The following STIL variants were observed in gnomAD, a reference collection of about 807,000 sequenced individuals.
STIL encodes SCL-interrupting locus protein.
Under a neutral mutation model 110.1 loss-of-function variants are expected in STIL, and 55 were observed. The observed-to-expected ratio is 0.50, with a 90% CI of 0.40 to 0.63. STIL has a LOEUF of 0.63. Ranked by LOEUF, STIL falls within the 20% of genes least tolerant of loss-of-function variation. The probability of loss-of-function intolerance (pLI) is 0.00; values close to 1 mark genes in which losing one functional copy is unlikely to be tolerated. For missense variants in STIL, 1,358 were observed against 1,530.0 expected, an observed-to-expected ratio of 0.89 and a Z score of 1.87; for synonymous variants, 481 against 530.0, an observed-to-expected ratio of 0.91 and a Z score of 1.27.
At chr1:47,293,342 G>A in intron 8 of STIL, 116 bp downstream of exon 8, 1 of 801,330 alleles carries the variant, frequency 1.2e-6, no homozygotes, top group African/African-American at 1.7e-5. Context: ...TAATGTACGT[G>A]TTTATTTATA....
intron 5 of STIL, among the ~76,000 whole-genome samples, chr1:47,300,800 G>A (rs771041066): frequency 6.6e-6 from 1 of 152,140 alleles, no homozygotes; most frequent in East Asian, 1.9e-4. Flanking sequence ...AGAATCTAAA[G>A]TCCATTCCTC....
At chr1:47,307,492 T>C (rs947348003) in intron 2 of STIL, among the ~76,000 whole-genome samples, 1 of 152,182 alleles carries the variant, frequency 6.6e-6, no homozygotes. Flanking sequence ...CATGGACACT[T>C]ATCACTTCCC....
intron 8 of STIL, among the ~76,000 whole-genome samples, chr1:47,291,744 T>C (rs538764612): frequency 5.1e-4 from 78 of 152,270 alleles, no homozygotes; most frequent in African/African-American, 1.8e-3. Flanking sequence ...TTTTGCATTT[T>C]TAGTAGAGAT....
intron 12 of STIL, among the ~76,000 whole-genome samples, chr1:47,276,812 T>TAA (rs36154290): frequency 4.1e-4 from 28 of 67,644 alleles, no homozygotes; most frequent in East Asian, 3.1e-3. Context: ...AAACTCTGCC[T>TAA]AAAAAAAAAA....
In STIL at chr1:47,262,939, T is replaced by C. The variant is rs1282514737; in HGVS notation, c.2793A>G (p.Gln931=). The C allele has an allele frequency of 6.8e-6, 11 of 1,614,060 alleles. No individual in the cohort carries two copies. Among genetic ancestry groups the C allele is most frequent in the Middle Eastern group, 1.6e-4 (1 of 6,084 alleles). The change falls in exon 15 of 17, where the codon CAA becomes CAG. Residue 931 remains glutamine (Q), a synonymous_variant. Transcript: ENST00000371877. The part of the protein sequence containing the change: ...IEHVMQPLLH[Q]PSDNQKIYQD... ...GGTAAATTTTCTGGTTATCTGATGG[T>C]TGATGAAGCAAGGGTTGCATTACAT... is the stretch of plus-strand genomic sequence containing the variant.
intron 14 of STIL, among the ~76,000 whole-genome samples, chr1:47,265,538 T>C (rs1194472202): frequency 2.6e-5 from 4 of 151,798 alleles, no homozygotes; most frequent in Admixed American, 1.3e-4. Context: ...CCCAGCACTT[T>C]GGGAGGCTGA....
rs752856482 is a variant in STIL, at chr1:47,251,173, T to C, written c.3830A>G (p.Asp1277Gly). Residue 1277 changes from aspartate to glycine, a missense_variant, in exon 17 of 17, where the codon GAT becomes GGT. Coordinates refer to ENST00000371877, the MANE Select transcript of STIL (RefSeq NM_001048166.1). ...NSMNSVGTFL[D>G]VKRLRQLPKL... ...TGGTAACTGTCTGAGACGTTTTACA[T>C]CTAAGAAGGTGCCTACTGAATTCAT... 1.2e-5 allele frequency: 20 copies of C among 1,613,484 alleles called. No homozygotes were observed. Among genetic ancestry groups the C allele is most frequent in the Non-Finnish European group, 1.5e-5 (18 of 1,179,920 alleles).
intron 14 of STIL, among the ~76,000 whole-genome samples, chr1:47,269,112 T>C (rs1392647938): frequency 6.6e-6 from 1 of 151,310 alleles, no homozygotes; most frequent in South Asian, 2.1e-4. Context: ...AAAAAATTTC[T>C]CCATCTGTAT....
At chr1:47,314,360 AG>A (rs1646226763), upstream of STIL, among the ~76,000 whole-genome samples, 1 of 152,258 alleles carries the variant, frequency 6.6e-6, no homozygotes, top group Admixed American at 6.5e-5. Flanking sequence ...CCGGCGCTCC[AG>A]GATCAAGGAT....
chr1:47,259,435 C>G lies in STIL; in HGVS notation c.3080+854G>C, dbSNP rs1159884368. Among the ~76,000 whole-genome samples, 3 of 151,186 alleles carry G rather than the reference C, an allele frequency of 2.0e-5. No homozygotes were observed. In the Admixed American group the frequency reaches 2.0e-4, roughly 10 times the overall value. On this transcript the variant is annotated intron_variant, in intron 16 of 16. Coordinates refer to ENST00000371877, the MANE Select transcript of STIL (RefSeq NM_001048166.1). ...CCTCCCAAGTAGCTGAGATTACAGG[C>G]GCCCGCCACCGCACCCATCTAATTT...
chr1:47,310,067 A>G (rs1646077545), intron 2 of STIL, among the ~76,000 whole-genome samples: 1 of 152,212 alleles, frequency 6.6e-6, no homozygotes, highest in African/African-American at 2.4e-5. Flanking sequence ...CTTCTGTGAG[A>G]CAGAGATTAC....
intron 16 of STIL, among the ~76,000 whole-genome samples, chr1:47,257,172 G>A (rs575313176): frequency 6.6e-6 from 1 of 152,268 alleles, no homozygotes; most frequent in South Asian, 2.1e-4. Context: ...GAGAATGGTA[G>A]GACATTATAC....
rs772740154 is a variant in STIL, at chr1:47,304,899, T to C, written c.142A>G (p.Ser48Gly). The C allele has an allele frequency of 6.8e-6, 11 of 1,609,032 alleles. No individual in the cohort carries two copies. Among genetic ancestry groups the C allele is most frequent in the Non-Finnish European group, 8.5e-6 (10 of 1,175,492 alleles). ...PTGDFIYLHLSYYRNPKLVVT... is the reference protein window; with the variant it reads ...PTGDFIYLHLGYYRNPKLVVT... ...AGAAACATGTTATACCTGTAGTAAC[T>C]GAGATGTAAGTAGATGAAATCTCCA... The change falls in exon 3 of 17, where the codon AGT (serine) becomes GGT (glycine). Residue 48 changes from serine to glycine, a missense_variant. By Grantham distance (56) the Ser-to-Gly change is moderately conservative. Transcript: ENST00000371877.
intron 10 of STIL, among the ~76,000 whole-genome samples, chr1:47,286,075 A>G (rs1016310784): frequency 1.3e-5 from 2 of 151,536 alleles, no homozygotes; most frequent in East Asian, 2.0e-4. Context: ...GGGTTTCACC[A>G]TGTTGGCCAG....
intron 14 of STIL, among the ~76,000 whole-genome samples, chr1:47,265,237 C>CAAAAAAAA (rs61666574): frequency 0.076 from 3,895 of 51,010 alleles, 593 homozygotes; most frequent in Non-Finnish European, 0.11. Context: ...CTCCATCTCC[C>CAAAAAAAA]AAAAAAAAAA....
rs116702705 is a variant in STIL, at chr1:47,303,247, A to G, written c.153-901T>C. Among the ~76,000 whole-genome samples the G allele has an allele frequency of 1.5e-3, 236 of 152,294 alleles. 1 individual carries two copies. Among genetic ancestry groups the G allele is most frequent in the Non-Finnish European group, 2.9e-3 (195 of 68,028 alleles). On this transcript the variant is annotated intron_variant, in intron 3 of 16. Transcript: ENST00000371877. ...ATACTATAAGTATCCTCTCATATAT[A>G]TGGTACACCGCCACGTTTTAAAAAA...
chr1:47,265,249 A>AAAAC (rs1553170556), intron 14 of STIL, among the ~76,000 whole-genome samples: 4 of 150,334 alleles, frequency 2.7e-5, no homozygotes, highest in South Asian at 2.1e-4. Context: ...AAAAAAAAAA[A>AAAAC]AAAAAAAAAA....
rs1644862030 is a variant in STIL, at chr1:47,272,193, T to C, written c.2266A>G (p.Thr756Ala). ...TGCACTGTGTCTTCAACAGCAGTTG[T>C]CTTAGGGGAACAGGGCATCAGAGAC... is the stretch of plus-strand genomic sequence containing the variant. ...AQSLMPCSPK[T>A]TAVEDTVQAG... is the part of the protein sequence containing the mutation. Residue 756 changes from threonine (T) to alanine (A), a missense_variant, in exon 13 of 17, where the codon ACA (threonine) becomes GCA (alanine). Transcript: ENST00000371877. 6.2e-7 allele frequency: 1 copy of C among 1,614,174 alleles called. No individual in the cohort carries two copies. The highest frequency in any genetic ancestry group is 8.5e-7 in the Non-Finnish European group (1 of 1,180,018).
intron 16 of STIL, 143 bp downstream of exon 16, chr1:47,260,146 T>C (rs923735990): frequency 1.3e-5 from 10 of 779,830 alleles, no homozygotes; most frequent in East Asian, 1.1e-4. Context: ...ATCAACTCAA[T>C]TGAGGCACAA....
Sources: allele counts gnomAD v4.1 joint callset (sites outside exome capture counted in the v4.1 genomes callset), GRCh38; gene constraint gnomAD v4.1.1; transcripts MANE v1.5; gene names NCBI Gene and HGNC (gene_info 2026-07-23, HGNC 2026-07-21).